The following GSE1 variants were observed in gnomAD, a reference collection of about 807,000 sequenced individuals.
The protein encoded by GSE1 is genetic suppressor element 1.
GSE1 carries 32 observed loss-of-function variants against 112.6 expected under a neutral mutation model. That is an observed-to-expected ratio of 0.28 (90% CI 0.21 to 0.38). GSE1 has a LOEUF of 0.38. GSE1 is among the 10% of genes least tolerant of loss of function. The pLI, the probability that GSE1 is intolerant of heterozygous loss-of-function variation, is 1.00. For missense variants in GSE1, 2,348 were observed against 1,699.2 expected (o/e 1.38, Z -6.71); for synonymous variants, 1,115 against 735.6 (o/e 1.52, Z -8.35).
intron 2 of GSE1, among the ~76,000 whole-genome samples, chr16:85,412,993 G>A (rs1427948411): frequency 6.6e-6 from 1 of 152,218 alleles, no homozygotes; most frequent in African/African-American, 2.4e-5. Context: ...AGGTTATAAT[G>A]CTGAGCCTTT....
intron 2 of GSE1, among the ~76,000 whole-genome samples, chr16:85,485,384 G>T (rs986233476): frequency 6.6e-6 from 1 of 152,330 alleles, no homozygotes; most frequent in African/African-American, 2.4e-5. Context: ...CACCAGGGGC[G>T]GTGGGGAGCC....
intron 1 of GSE1, among the ~76,000 whole-genome samples, chr16:85,178,872 C>CG (rs1296893669): frequency 5.1e-4 from 1 of 1,962 alleles, no homozygotes; most frequent in Non-Finnish European, 1.1e-3. Flanking sequence ...GAGGGAGGTG[C>CG]GGGGGGTGGG....
At chr16:85,394,326 C>G (rs1172381482) in intron 2 of GSE1, among the ~76,000 whole-genome samples, 1 of 152,166 alleles carries the variant, frequency 6.6e-6, no homozygotes. Context: ...TAATACCTGT[C>G]GGTGCTGGTG....
intron 2 of GSE1, among the ~76,000 whole-genome samples, chr16:85,457,708 T>C (rs2018932): frequency 0.92 from 140,442 of 152,304 alleles, 64,999 homozygotes; most frequent in South Asian, 0.96. Context: ...CCACCCTCTG[T>C]CCTACGGGCA....
intron 1 of GSE1, among the ~76,000 whole-genome samples, chr16:85,327,816 G>T (rs909355696): frequency 6.6e-6 from 1 of 152,142 alleles, no homozygotes; most frequent in Non-Finnish European, 1.5e-5. Flanking sequence ...CTGAGGTCCC[G>T]GGGGGAGAGT....
At chr16:85,668,964 T>C (rs1396497763) in intron 14 of GSE1, among the ~76,000 whole-genome samples, 2 of 152,250 alleles carry the variant, frequency 1.3e-5, no homozygotes, top group African/African-American at 4.8e-5. Flanking sequence ...CCTCTCAGAA[T>C]ACCCAGGATG....
At chr16:85,496,246 C>T (rs1482317718) in intron 2 of GSE1, among the ~76,000 whole-genome samples, 2 of 152,358 alleles carry the variant, frequency 1.3e-5, no homozygotes, top group South Asian at 2.1e-4. Context: ...CCACCCCGTG[C>T]CTCCAAGGCC....
At chr16:85,573,035 A>T (rs2046073955) in intron 1 of GSE1, among the ~76,000 whole-genome samples, 1 of 152,096 alleles carries the variant, frequency 6.6e-6, no homozygotes, top group African/African-American at 2.4e-5. Context: ...ACACCTAGCT[A>T]ATTTTTGTAT....
intron 2 of GSE1, among the ~76,000 whole-genome samples, chr16:85,637,862 G>A (rs2050132074): frequency 6.6e-6 from 1 of 151,988 alleles, no homozygotes. Context: ...GGCTGAGCTG[G>A]CCAGCTCAGC....
chr16:85,660,778 C>G (rs1012518249), intron 8 of GSE1, among the ~76,000 whole-genome samples: 1 of 151,876 alleles, frequency 6.6e-6, no homozygotes, highest in Admixed American at 6.5e-5. Context: ...TTACAGGCAC[C>G]CGCCACCATG....
chr16:85,507,685 G>A (rs2051585605), intron 2 of GSE1, among the ~76,000 whole-genome samples: 1 of 152,132 alleles, frequency 6.6e-6, no homozygotes, highest in Non-Finnish European at 1.5e-5. Flanking sequence ...GGGGACACCA[G>A]TCCTATTGGA....
intron 2 of GSE1, among the ~76,000 whole-genome samples, chr16:85,635,112 G>A (rs1266898461): frequency 6.6e-6 from 1 of 152,178 alleles, no homozygotes; most frequent in East Asian, 1.9e-4. Flanking sequence ...CTTGGCAGAG[G>A]GGACACCTGC....
chr16:85,312,960 AAGCGGGCCTCAGGGCC>A (rs2045894111), intron 1 of GSE1, among the ~76,000 whole-genome samples: 1 of 152,072 alleles, frequency 6.6e-6, no homozygotes, highest in African/African-American at 2.4e-5. Context: ...GCAGGGGATG[AAGCGGGCCTCAGGGCC>A]AGCCGGGTTG....
chr16:85,209,096 C>T (rs1208182186), intron 1 of GSE1, among the ~76,000 whole-genome samples: 5 of 151,886 alleles, frequency 3.3e-5, no homozygotes, highest in South Asian at 2.1e-4. Flanking sequence ...TGGGGTCTGC[C>T]GCGTGATGGG....
intron 3 of GSE1, among the ~76,000 whole-genome samples, chr16:85,653,144 T>A (rs1484242817): frequency 8.2e-6 from 1 of 121,478 alleles, no homozygotes; most frequent in Non-Finnish European, 1.7e-5. Flanking sequence ...CCATCCAGAG[T>A]CCAGAGCACA....
chr16:85,658,550 T>C (rs1210711089), intron 8 of GSE1, among the ~76,000 whole-genome samples: 1 of 152,182 alleles, frequency 6.6e-6, no homozygotes, highest in East Asian at 1.9e-4. Context: ...GCCTCCGTTA[T>C]CCAGTAGGGC....
chr16:85,675,217 G>A lies in GSE1; in HGVS notation c.*2678G>A, dbSNP rs1337842816. The A allele has an allele frequency of 1.3e-5, 2 of 152,028 alleles. No homozygotes were observed. The highest frequency in any genetic ancestry group is 4.8e-5 in the African/African-American group (2 of 41,388). 9.4% of individuals were successfully genotyped at this position (152,028 alleles called of 1,614,324 possible). ...TCAAATCTGCTCTGGAGTCGATTAT[G>A]CCACCTGTGTGTCAGGATGCACCTG... On this transcript the variant is annotated 3_prime_UTR_variant, in exon 16 of 16. Coordinates refer to ENST00000253458, the MANE Select transcript of GSE1 (RefSeq NM_014615.5).
At chr16:85,299,935 CAAA>C (rs35622442) in intron 1 of GSE1, among the ~76,000 whole-genome samples, 2 of 84,232 alleles carry the variant, frequency 2.4e-5, no homozygotes. Flanking sequence ...GACCCTGTCT[CAAA>C]AAAAAAAAAA....
At chr16:85,486,190 C>T (rs951108002) in intron 2 of GSE1, among the ~76,000 whole-genome samples, 2 of 152,204 alleles carry the variant, frequency 1.3e-5, no homozygotes, top group African/African-American at 4.8e-5. Context: ...CTGCCTGCCT[C>T]TCTCCCTCTC....
Sources: gnomAD v4.1 joint callset for allele counts (sites outside exome capture counted in the v4.1 genomes callset) on GRCh38, gnomAD v4.1.1 for gene constraint, MANE v1.5 for transcripts, NCBI Gene and HGNC (gene_info 2026-07-23, HGNC 2026-07-21) for gene names.